The following BANK1 variants were observed in gnomAD, a reference collection of about 807,000 sequenced individuals.
The protein encoded by BANK1 is B-cell scaffold protein with ankyrin repeats.
BANK1 carries 95 observed loss-of-function variants against 94.5 expected under a neutral mutation model. The ratio of observed to expected loss-of-function variants is 1.00; its 90% CI spans 0.85 to 1.19. The LOEUF (loss-of-function observed/expected upper bound fraction) is 1.19. Among genes scored for constraint, BANK1 ranks in the 50% most tolerant of loss-of-function variants. The probability of loss-of-function intolerance (pLI) is 0.00; values close to 1 mark genes in which losing one functional copy is unlikely to be tolerated. For missense variants in BANK1, 987 were observed against 932.2 expected (o/e 1.06, Z -0.77); for synonymous variants, 334 against 308.4 (o/e 1.08, Z -0.87).
chr4:102,055,450 T>C (rs2148961367), intron 11 of BANK1, among the ~76,000 whole-genome samples: 1 of 152,136 alleles, frequency 6.6e-6, no homozygotes, highest in East Asian at 1.9e-4. Context: ...GGATGCCTAC[T>C]ATTAATATTT....
chr4:101,843,300 A>G (rs1031776290), intron 2 of BANK1, among the ~76,000 whole-genome samples: 1 of 152,182 alleles, frequency 6.6e-6, no homozygotes, highest in Non-Finnish European at 1.5e-5. Context: ...CCACTATATT[A>G]ATCTTGATTC....
chr4:101,954,986 T>C (rs1724288585), intron 7 of BANK1, among the ~76,000 whole-genome samples: 1 of 152,138 alleles, frequency 6.6e-6, no homozygotes, highest in Non-Finnish European at 1.5e-5. Flanking sequence ...ATGAGTTAAA[T>C]TAATTAATGA....
At chr4:102,066,066 C>A (rs1728580856) in intron 13 of BANK1, among the ~76,000 whole-genome samples, 1 of 152,032 alleles carries the variant, frequency 6.6e-6, no homozygotes, top group Admixed American at 6.5e-5. Flanking sequence ...GCTGAAAAAA[C>A]TTTTAAAAAC....
intron 13 of BANK1, among the ~76,000 whole-genome samples, chr4:102,065,098 G>T (rs1728547898): frequency 6.6e-6 from 1 of 152,352 alleles, no homozygotes; most frequent in South Asian, 2.1e-4. Context: ...AGGTTGAGCA[G>T]AGTTGAGGAA....
chr4:101,873,089 A>G (rs1323169025), intron 5 of BANK1, among the ~76,000 whole-genome samples: 1 of 150,208 alleles, frequency 6.7e-6, no homozygotes, highest in African/African-American at 2.5e-5. Context: ...CATTTCAGTA[A>G]TTGTTTCTTT....
chr4:101,917,192 C>T (rs1186962101), intron 6 of BANK1, among the ~76,000 whole-genome samples: 5 of 151,964 alleles, frequency 3.3e-5, no homozygotes, highest in Admixed American at 2.0e-4. Flanking sequence ...TATAAGACTT[C>T]ACCTTACTTC....
intron 5 of BANK1, among the ~76,000 whole-genome samples, chr4:101,887,920 A>T (rs1007437847): frequency 3.9e-5 from 6 of 152,214 alleles, no homozygotes; most frequent in African/African-American, 1.2e-4. Flanking sequence ...TAAAGTTTTT[A>T]AAAAATCTTT....
chr4:101,821,141 T>G (rs1726130068), intron 1 of BANK1, among the ~76,000 whole-genome samples: 1 of 152,238 alleles, frequency 6.6e-6, no homozygotes, highest in Non-Finnish European at 1.5e-5. Flanking sequence ...TTAATAGCCC[T>G]TCTAACTGAT....
At chr4:101,851,661 C>G (rs1340408318) in intron 2 of BANK1, among the ~76,000 whole-genome samples, 1 of 152,078 alleles carries the variant, frequency 6.6e-6, no homozygotes, top group African/African-American at 2.4e-5. Flanking sequence ...AGCAGAGAGC[C>G]AAGCCTACAC....
At chr4:102,032,903 A>T (rs975726557) in intron 10 of BANK1, among the ~76,000 whole-genome samples, 1 of 151,846 alleles carries the variant, frequency 6.6e-6, no homozygotes, top group Non-Finnish European at 1.5e-5. Context: ...AAAATAAAAA[A>T]AAAAAATGAA....
intron 7 of BANK1, among the ~76,000 whole-genome samples, chr4:101,929,778 G>T (rs1435104663): frequency 6.6e-6 from 1 of 151,286 alleles, no homozygotes; most frequent in Non-Finnish European, 1.5e-5. Context: ...TGTATTAATA[G>T]TTTGTTGGGG....
intron 1 of BANK1, chr4:101,813,752 A>G (rs1241331976): frequency 2.8e-6 from 1 of 357,784 alleles, no homozygotes; most frequent in East Asian, 1.7e-4. Flanking sequence ...TACTGTGAAC[A>G]TAGGCCGCAG....
chr4:102,018,816 TTTCC>T (rs922027767), intron 7 of BANK1, among the ~76,000 whole-genome samples: 8 of 145,822 alleles, frequency 5.5e-5, no homozygotes, highest in African/African-American at 1.7e-4. Context: ...TCTTTCTTTC[TTTCC>T]TTTTTTTTTT....
chr4:101,815,055 G>C (rs1026827323), intron 1 of BANK1, among the ~76,000 whole-genome samples: 3 of 152,120 alleles, frequency 2.0e-5, no homozygotes, highest in Non-Finnish European at 2.9e-5. Context: ...TAAGGGAAGG[G>C]GGAAATCAAA....
chr4:101,833,186 T>G (rs745492622), intron 2 of BANK1, among the ~76,000 whole-genome samples: 13 of 152,222 alleles, frequency 8.5e-5, no homozygotes, highest in Admixed American at 3.3e-4. Flanking sequence ...TCCATGTTGG[T>G]CTGGCTGGTC....
intron 3 of BANK1, among the ~76,000 whole-genome samples, chr4:101,861,758 G>T (rs1727885591): frequency 6.6e-6 from 1 of 151,964 alleles, no homozygotes; most frequent in Non-Finnish European, 1.5e-5. Context: ...TATTTAAAAA[G>T]TGCTGAGTAT....
At chr4:102,043,782 G>C (rs1451581016) in intron 10 of BANK1, 57 bp from the exon 11 acceptor site, 2 of 1,162,720 alleles carry the variant, frequency 1.7e-6, no homozygotes, top group African/African-American at 1.5e-5. Context: ...GACTTCTACA[G>C]TATGGATTTT....
rs114873387 is a variant in BANK1, at chr4:101,848,266, C to T, written c.470-6769C>T. 7.3e-3 allele frequency among the ~76,000 whole-genome samples: 1,110 copies of T among 152,202 alleles called. 14 individuals are homozygous for T. The highest frequency in any genetic ancestry group is 0.026 in the African/African-American group (1,070 of 41,514). On this transcript the variant is annotated intron_variant, in intron 2 of 16. Coordinates refer to ENST00000322953, the MANE Select transcript of BANK1 (RefSeq NM_017935.5). ...TTCCTCCAGAGGGTCTGTGGGTCCT[C>T]TCGGGATTGCTGGTTTGTTCTTGTA...
chr4:101,960,243 A>G (rs1724522025), intron 7 of BANK1, among the ~76,000 whole-genome samples: 1 of 152,126 alleles, frequency 6.6e-6, no homozygotes, highest in Non-Finnish European at 1.5e-5. Context: ...TGTAAGGAAA[A>G]TGGATGAAAA....
Sources: gnomAD v4.1 joint callset for allele counts (sites outside exome capture counted in the v4.1 genomes callset) on GRCh38, gnomAD v4.1.1 for gene constraint, MANE v1.5 for transcripts, NCBI Gene and HGNC (gene_info 2026-07-23, HGNC 2026-07-21) for gene names.